ITGA8: variants seen among roughly 807,000 people sequenced by gnomAD.
ITGA8 encodes the protein integrin alpha-8.
A neutral mutation model predicts 142.3 loss-of-function variants in ITGA8; 91 were observed. The ratio of observed to expected loss-of-function variants is 0.64; its 90% CI spans 0.54 to 0.76. The LOEUF is 0.76. Ranked by LOEUF, ITGA8 falls within the 30% of genes least tolerant of loss-of-function variation. The probability of loss-of-function intolerance (pLI) is 0.00; values close to 1 mark genes in which losing one functional copy is unlikely to be tolerated. For synonymous variants in ITGA8, 505 were observed against 485.2 expected, an observed-to-expected ratio of 1.04 and a Z score of -0.54; for missense variants, 1,406 against 1,327.7, an observed-to-expected ratio of 1.06 and a Z score of -0.92.
chr10:15,569,566 T>C (rs924806017), intron 25 of ITGA8, among the ~76,000 whole-genome samples: 3 of 152,200 alleles, frequency 2.0e-5, no homozygotes, highest in Non-Finnish European at 4.4e-5. Flanking sequence ...TGTCTGCTTC[T>C]TACTAAAAAT....
At chr10:15,649,308 T>C (rs1834043442) in intron 11 of ITGA8, among the ~76,000 whole-genome samples, 1 of 151,878 alleles carries the variant, frequency 6.6e-6, no homozygotes, top group Non-Finnish European at 1.5e-5. Context: ...TACATGTACA[T>C]GATATACAAT....
chr10:15,638,188 A>G (rs1833806341), intron 13 of ITGA8, among the ~76,000 whole-genome samples: 1 of 152,236 alleles, frequency 6.6e-6, no homozygotes, highest in South Asian at 2.1e-4. Flanking sequence ...TTTGACAATG[A>G]ATAAATATAA....
At chr10:15,640,126 T>G (rs1039495691) in intron 13 of ITGA8, among the ~76,000 whole-genome samples, 2 of 152,154 alleles carry the variant, frequency 1.3e-5, no homozygotes, top group African/African-American at 4.8e-5. Context: ...GCATGCAGTT[T>G]ATAAAGCATC....
intron 28 of ITGA8, among the ~76,000 whole-genome samples, chr10:15,528,974 CT>C (rs912645236): frequency 2.7e-5 from 4 of 149,806 alleles, no homozygotes; most frequent in African/African-American, 9.9e-5. Context: ...TTCCTTCTTT[CT>C]TTCCTTCTTT....
At chr10:15,707,435 G>C (rs1475743398) in intron 2 of ITGA8, among the ~76,000 whole-genome samples, 1 of 152,122 alleles carries the variant, frequency 6.6e-6, no homozygotes, top group Non-Finnish European at 1.5e-5. Flanking sequence ...GAAATAAATA[G>C]GTTCTCCCAA....
intron 2 of ITGA8, among the ~76,000 whole-genome samples, chr10:15,711,976 C>T (rs892203735): frequency 2.0e-5 from 3 of 152,168 alleles, no homozygotes; most frequent in Admixed American, 6.5e-5. Flanking sequence ...AATTCTATAG[C>T]AGTCCATAGC....
At chr10:15,682,522 ATCT>A (rs1426430429) in intron 4 of ITGA8, among the ~76,000 whole-genome samples, 2 of 152,168 alleles carry the variant, frequency 1.3e-5, no homozygotes, top group Non-Finnish European at 2.9e-5. Context: ...GAAAGCAATA[ATCT>A]TCTCCTTGTT....
intron 13 of ITGA8, among the ~76,000 whole-genome samples, chr10:15,617,681 G>C (rs757183439): frequency 6.6e-6 from 1 of 152,188 alleles, no homozygotes; most frequent in Non-Finnish European, 1.5e-5. Flanking sequence ...TTACAGGCAT[G>C]AGCCACTGCA....
At chr10:15,523,846 C>T (rs545934779) in intron 28 of ITGA8, among the ~76,000 whole-genome samples, 1 of 151,668 alleles carries the variant, frequency 6.6e-6, no homozygotes, top group East Asian at 1.9e-4. Flanking sequence ...GCAGGAGAAT[C>T]ACCTGAACCT....
chr10:15,561,380 T>C (rs1463219131), intron 25 of ITGA8, among the ~76,000 whole-genome samples: 1 of 151,918 alleles, frequency 6.6e-6, no homozygotes, highest in African/African-American at 2.4e-5. Flanking sequence ...TGTTGCTTGA[T>C]ATATTCTTAT....
chr10:15,703,438 A>G (rs1835201732), intron 2 of ITGA8, among the ~76,000 whole-genome samples: 1 of 152,238 alleles, frequency 6.6e-6, no homozygotes, highest in Non-Finnish European at 1.5e-5. Context: ...ACTAAGTAGT[A>G]TGTATGATTT....
chr10:15,585,643 T>C (rs1832814740), intron 23 of ITGA8, among the ~76,000 whole-genome samples: 2 of 152,270 alleles, frequency 1.3e-5, no homozygotes, highest in South Asian at 4.1e-4. Context: ...AAAACCAGAA[T>C]CATCAGAAAA....
intron 13 of ITGA8, among the ~76,000 whole-genome samples, chr10:15,618,349 A>G (rs1833431572): frequency 6.6e-6 from 1 of 152,232 alleles, no homozygotes; most frequent in Non-Finnish European, 1.5e-5. Context: ...TAGAAAAACA[A>G]AAAACAAAGG....
chr10:15,683,300 T>C (rs1029531717), intron 4 of ITGA8, among the ~76,000 whole-genome samples: 2 of 140,630 alleles, frequency 1.4e-5, no homozygotes, highest in African/African-American at 5.5e-5. Context: ...CATCCACCCA[T>C]CCACCCACCC....
intron 7 of ITGA8, among the ~76,000 whole-genome samples, chr10:15,671,879 C>CAAAAAAAAAAAAAAA (rs34588118): frequency 1.3e-5 from 1 of 79,728 alleles, no homozygotes; most frequent in Non-Finnish European, 2.4e-5. Context: ...AGGAGCAAAG[C>CAAAAAAAAAAAAAAA]AAAAAAAAAA....
chr10:15,718,984 G>A, intron 1 of ITGA8, 85 bp from the exon 2 acceptor site: 1 of 1,581,584 alleles, frequency 6.3e-7, no homozygotes, highest in Non-Finnish European at 8.6e-7. Context: ...CCTGCCCGGG[G>A]ACACTGGGGC....
chr10:15,718,766 T>TA lies in ITGA8; in HGVS notation c.342_343insT (p.Asn115Ter). On this transcript the variant is annotated frameshift_variant and splice_region_variant, in exon 2 of 30. Transcript: ENST00000378076. LOFTEE classifies it high-confidence loss of function. The stretch of plus-strand genomic sequence containing the variant: ...GCTTAGAAGGACAAATCTCACTTAC[T>TA]GGTGGTGTCAAACGGTATCTGCCTG... 1 of 1,613,774 alleles carries TA rather than the reference T, an allele frequency of 6.2e-7. No individual in the cohort carries two copies. The highest frequency in any genetic ancestry group is 2.2e-5 in the East Asian group (1 of 44,846).
intron 21 of ITGA8, among the ~76,000 whole-genome samples, chr10:15,593,276 G>A (rs887571015): frequency 6.6e-6 from 1 of 152,142 alleles, no homozygotes; most frequent in Non-Finnish European, 1.5e-5. Context: ...ATTCAATGAT[G>A]ATATAAATAA....
chr10:15,713,750 C>A (rs950553404), intron 2 of ITGA8, among the ~76,000 whole-genome samples: 2 of 152,150 alleles, frequency 1.3e-5, no homozygotes, highest in East Asian at 1.9e-4. Flanking sequence ...AAAACAGACC[C>A]CCCAAAACAA....
Sources: allele counts gnomAD v4.1 joint callset (sites outside exome capture counted in the v4.1 genomes callset), GRCh38; gene constraint gnomAD v4.1.1; transcripts MANE v1.5; gene names NCBI Gene and HGNC (gene_info 2026-07-23, HGNC 2026-07-21).